Variants in SGK2 observed in about 807,000 individuals in gnomAD.
The protein encoded by SGK2 is serum/glucocorticoid regulated kinase 2, also known as serine/threonine-protein kinase Sgk2.
In SGK2, 36 loss-of-function variants were observed where a neutral mutation model predicts 47.5. That is an observed-to-expected ratio of 0.76 (90% CI 0.58 to 1.00). SGK2 has a LOEUF of 1.00. Among genes scored for constraint, SGK2 ranks in the 50% least tolerant of loss-of-function variants. SGK2 has a pLI of 0.00. For missense variants in SGK2, 404 were observed against 467.4 expected (o/e 0.86, Z 1.25); for synonymous variants, 157 against 181.9 (o/e 0.86, Z 1.10).
chr20:43,566,612 T>C (rs956773519), intron 2 of SGK2, 81 bp downstream of exon 2: 4 of 986,172 alleles, frequency 4.1e-6, no homozygotes, highest in Non-Finnish European at 6.2e-6. Flanking sequence ...TCCCAGACAA[T>C]GTCAGGGGCT....
intron 1 of SGK2, among the ~76,000 whole-genome samples, chr20:43,560,456 G>A (rs528775506): frequency 6.0e-5 from 9 of 149,154 alleles, no homozygotes; most frequent in Non-Finnish European, 1.0e-4. Flanking sequence ...CAGAGATTGC[G>A]CCACTGCACT....
rs762941685 is a variant in SGK2 at position 43,572,057 on chromosome 20, G to A, written c.517G>A (p.Val173Met). The stretch of plus-strand genomic sequence containing the variant: ...TGCCCTCCGTCATTCTCAGGGACAC[G>A]TGGTGCTGACGGATTTTGGCCTCTG... ...ENILLDCQGH[V>M]VLTDFGLCKE... Residue 173 changes from valine (V) to methionine (M), a missense_variant, in exon 9 of 13, where the codon GTG (valine) becomes ATG (methionine). Coordinates refer to ENST00000373100, the MANE Select transcript of SGK2 (RefSeq NM_170693.3). This position sits in a 1 kb window ranked among gnomAD's most constrained non-coding sequence, Gnocchi z 4.2. 18 of 1,548,414 alleles carry A rather than the reference G, an allele frequency of 1.2e-5. No homozygotes were observed. The highest frequency in any genetic ancestry group is 7.3e-5 in the East Asian group (3 of 40,896).
chr20:43,567,684 G>T lies in SGK2; in HGVS notation c.106G>T (p.Asp36Tyr), dbSNP rs200530019. 21 of 1,614,022 alleles carry T rather than the reference G, an allele frequency of 1.3e-5. No individual in the cohort carries two copies. The highest frequency in any genetic ancestry group is 1.7e-5 in the Non-Finnish European group (20 of 1,180,042). Residue 36 changes from aspartate to tyrosine, a missense_variant, in exon 4 of 13, where the codon GAC (aspartate) becomes TAC (tyrosine). Asp to Tyr is a radical substitution (Grantham distance 160, BLOSUM62 -3). Coordinates refer to ENST00000373100, the MANE Select transcript of SGK2 (RefSeq NM_170693.3). Reference protein sequence around the residue: ...ANPNAQPTDFDFLKVIGKGNY... With the variant: ...ANPNAQPTDFYFLKVIGKGNY... ...CCCCAGTGCCCAGCCCACGGACTTCGACTTCCTCAAAGTCATCGGCAAAGG... is the reference window on the plus strand; with the variant it reads ...CCCCAGTGCCCAGCCCACGGACTTCTACTTCCTCAAAGTCATCGGCAAAGG...
chr20:43,583,230 TAA>T, intron 12 of SGK2: 1 of 1,289,778 alleles, frequency 7.8e-7, no homozygotes, highest in South Asian at 1.2e-5. Flanking sequence ...GTTGGGATTT[TAA>T]AAAGACAGTG....
chr20:43,571,809 G>T (rs1013563839), intron 8 of SGK2, among the ~76,000 whole-genome samples: 1 of 152,148 alleles, frequency 6.6e-6, no homozygotes, highest in Admixed American at 6.5e-5. Flanking sequence ...TGCCACTGTC[G>T]TAGGGGTGGG....
At chr20:43,561,386 A>ATT (rs5841510) in intron 1 of SGK2, among the ~76,000 whole-genome samples, 206 of 112,382 alleles carry the variant, frequency 1.8e-3, no homozygotes, top group South Asian at 6.4e-3. Flanking sequence ...GAGGCTTTGG[A>ATT]TTTTTTTTTT....
intron 10 of SGK2, 116 bp downstream of exon 10, chr20:43,575,120 T>TA: frequency 3.0e-6 from 2 of 667,210 alleles, no homozygotes; most frequent in Non-Finnish European, 5.4e-6. Context: ...CATTCCAGAC[T>TA]AAAAAAGATA....
chr20:43,576,168 G>A lies in SGK2; in HGVS notation c.694-56G>A, dbSNP rs991544197. Reference sequence around the variant, plus strand: ...CGCCCACCTTGCTCCAAGTCTCCCCGAGCCTGTGTTCACTTTGCATGGGTG... The same window carrying A: ...CGCCCACCTTGCTCCAAGTCTCCCCAAGCCTGTGTTCACTTTGCATGGGTG... On this transcript the variant is annotated intron_variant, in intron 10 of 12. Coordinates refer to ENST00000373100, the MANE Select transcript of SGK2 (RefSeq NM_170693.3). The A allele has an allele frequency of 9.3e-5, 148 of 1,594,262 alleles. 6 individuals carry two copies. In the South Asian group the frequency reaches 1.3e-3, roughly 14 times the overall value.
rs543571992 is a variant in SGK2 at position 43,560,378 on chromosome 20, A to T, written c.-24+1219A>T. ...GCCGAGCGTCGTGACACATGCCCGT[A>T]ATCCCAGCTATTTGGGAGGCTGAGA... On this transcript the variant is annotated intron_variant, in intron 1 of 12. Transcript: ENST00000373100. Among the ~76,000 whole-genome samples, 3 of 152,058 alleles carry T rather than the reference A, an allele frequency of 2.0e-5. No individual in the cohort carries two copies. The South Asian group carries it at 6.2e-4, about 32-fold the overall frequency.
At chr20:43,574,450 C>T (rs1003587964) in intron 9 of SGK2, among the ~76,000 whole-genome samples, 4 of 152,226 alleles carry the variant, frequency 2.6e-5, no homozygotes, top group African/African-American at 7.2e-5. Context: ...AGAGTACTCC[C>T]GGGGCCTTCC....
At position 43,585,142 on chromosome 20, in the gene SGK2, A is replaced by G. The variant is rs1981020532; in HGVS notation, c.*126A>G. 5.5e-6 allele frequency: 5 copies of G among 910,958 alleles called. No homozygotes were observed. In the South Asian group the frequency reaches 6.9e-5, roughly 13 times the overall value. 56.4% of individuals were successfully genotyped at this position (910,958 alleles called of 1,614,324 possible). A position where few individuals can be genotyped will look rare whatever the true frequency, so the allele number is the denominator to read the frequency against. ...GAAGCAGGTTTATTTTTTCCAGCAC[A>G]TAAAAGAAAAATAATGTTTCGGAGT... On this transcript the variant is annotated 3_prime_UTR_variant, in exon 13 of 13. Transcript: ENST00000373100.
At chr20:43,564,490 C>T (rs911552798) in intron 1 of SGK2, among the ~76,000 whole-genome samples, 3 of 150,918 alleles carry the variant, frequency 2.0e-5, no homozygotes, top group Admixed American at 1.3e-4. Flanking sequence ...CGTGCATGCA[C>T]GCGCGCACAC....
intron 12 of SGK2, among the ~76,000 whole-genome samples, chr20:43,580,974 C>G (rs1426524136): frequency 6.6e-6 from 1 of 151,760 alleles, no homozygotes; most frequent in African/African-American, 2.4e-5. Context: ...CTCCTGGGTT[C>G]ATGCCATTCT....
At chr20:43,570,308 A>C (rs576602797) in intron 6 of SGK2, among the ~76,000 whole-genome samples, 2 of 152,144 alleles carry the variant, frequency 1.3e-5, no homozygotes, top group African/African-American at 4.8e-5. Context: ...TTCCTCTTAC[A>C]TGAAACTAGC....
intron 12 of SGK2, chr20:43,583,150 C>A (rs1980898903): frequency 7.9e-7 from 1 of 1,270,190 alleles, no homozygotes; most frequent in African/African-American, 1.5e-5. Context: ...ATTACCTATT[C>A]ATGAACTTGT....
intron 8 of SGK2, among the ~76,000 whole-genome samples, chr20:43,571,801 C>A (rs960684815): frequency 6.6e-6 from 1 of 152,156 alleles, no homozygotes; most frequent in African/African-American, 2.4e-5. Context: ...CCACAAGCTG[C>A]CACTGTCGTA....
At chr20:43,580,797 T>G (rs1980747100) in intron 12 of SGK2, among the ~76,000 whole-genome samples, 1 of 151,228 alleles carries the variant, frequency 6.6e-6, no homozygotes, top group East Asian at 1.9e-4. Context: ...GGCGAAATGC[T>G]TATTATCTCA....
rs201117385 is a variant in SGK2 at position 43,571,063 on chromosome 20, T to TGGTGGGTGGG, written c.510+7_510+8insGGTGGGGGTG. Reference sequence around the variant, plus strand: ...AGAACATTCTCTTGGACTGCCAGGTTGGTGTGTGTGTGTGTGTGTGTGTGT... The same window carrying TGGTGGGTGGG: ...AGAACATTCTCTTGGACTGCCAGGTTGGTGGGTGGGGGTGTGTGTGTGTGTGTGTGTGTGT... On this transcript the variant is annotated splice_donor_region_variant and intron_variant, in intron 8 of 12. Coordinates refer to ENST00000373100, the MANE Select transcript of SGK2 (RefSeq NM_170693.3). 17 of 1,522,052 alleles carry TGGTGGGTGGG rather than the reference T, an allele frequency of 1.1e-5. No individual in the cohort carries two copies. In the African/African-American group the frequency reaches 2.5e-4, roughly 22 times the overall value. 94.3% of individuals were successfully genotyped at this position (1,522,052 alleles called of 1,614,324 possible). A position where few individuals can be genotyped will look rare whatever the true frequency, so the allele number is the denominator to read the frequency against.
chr20:43,561,432 C>T (rs1248067163), intron 1 of SGK2, among the ~76,000 whole-genome samples: 1 of 145,734 alleles, frequency 6.9e-6, no homozygotes, highest in African/African-American at 2.6e-5. Flanking sequence ...GCTCTGTCAC[C>T]AGGCTGGAGT....
Sources: allele counts gnomAD v4.1 joint callset (sites outside exome capture counted in the v4.1 genomes callset), GRCh38; gene constraint gnomAD v4.1.1; non-coding constraint Gnocchi (gnomAD v3.1); transcripts MANE v1.5; gene names NCBI Gene and HGNC (gene_info 2026-07-23, HGNC 2026-07-21).